The following THSD7A variants were observed in gnomAD, a reference collection of about 807,000 sequenced individuals.
THSD7A encodes the protein thrombospondin type-1 domain-containing protein 7A.
THSD7A carries 96 observed loss-of-function variants against 231.3 expected under a neutral mutation model. That is an observed-to-expected ratio of 0.41 (90% CI 0.35 to 0.49). THSD7A has a LOEUF of 0.49. Among genes scored for constraint, THSD7A ranks in the 20% least tolerant of loss-of-function variants. THSD7A has a pLI of 0.05. For missense variants in THSD7A, 2,290 were observed against 2,070.2 expected, an observed-to-expected ratio of 1.11 and a Z score of -2.06; for synonymous variants, 940 against 743.3, an observed-to-expected ratio of 1.26 and a Z score of -4.30.
At chr7:11,380,796 C>T (rs1782482816) in intron 24 of THSD7A, among the ~76,000 whole-genome samples, 1 of 152,110 alleles carries the variant, frequency 6.6e-6, no homozygotes, top group Non-Finnish European at 1.5e-5. Context: ...TAGAGCTTAA[C>T]ACAAATCATT....
Position 11,407,335 on chromosome 7 carries a change from G to A in THSD7A, c.3887C>T (p.Ser1296Leu), listed in dbSNP as rs752367630. Residue 1296 changes from serine (S) to leucine (L), a missense_variant, in exon 20 of 28, where the codon TCA becomes TTA. Ser to Leu is a moderately radical substitution (Grantham distance 145). Coordinates refer to ENST00000423059, the MANE Select transcript of THSD7A (RefSeq NM_015204.3). ...NCQLSDWSPW[S>L]ECSQTCGLTG... ...GAGGCCACATGTTTGAGAACATTCTGACCAAGGAGACCAATCAGAAAGCTG... is the reference window on the plus strand; with the variant it reads ...GAGGCCACATGTTTGAGAACATTCTAACCAAGGAGACCAATCAGAAAGCTG... 13 of 1,613,384 alleles carry A rather than the reference G, an allele frequency of 8.1e-6. No individual in the cohort carries two copies. The highest frequency in any genetic ancestry group is 6.7e-5 in the Admixed American group (4 of 59,932).
intron 1 of THSD7A, among the ~76,000 whole-genome samples, chr7:11,674,116 G>C (rs925892110): frequency 2.0e-5 from 3 of 151,974 alleles, no homozygotes; most frequent in African/African-American, 7.2e-5. Flanking sequence ...AGGTAGGGGA[G>C]AGTGAGGCCC....
Position 11,593,319 on chromosome 7 carries a change from C to T in THSD7A, c.1206G>A (p.Glu402=). 6.2e-7 allele frequency: 1 copy of T among 1,613,990 alleles called. No homozygotes were observed. Among genetic ancestry groups the T allele is most frequent in the Non-Finnish European group, 8.5e-7 (1 of 1,179,892 alleles). ...GTTCTTTTTCTTCAAATTCTGGACA[C>T]TCCTTTTCACTGCCAATGGGAAACT... The part of the protein sequence containing the change: ...IRQFPIGSEK[E]CPEFEEKEPC... Residue 402 remains glutamate (E), a synonymous_variant, in exon 3 of 28, where the codon GAG becomes GAA. Transcript: ENST00000423059.
chr7:11,546,202 G>GCGCACGCGCACACACACACACACA lies in THSD7A; in HGVS notation c.1454-3086_1454-3085insTGTGTGTGTGTGTGTGCGCGTGCG, dbSNP rs761841418. Reference sequence around the variant, plus strand: ...TCTGTTGTTGCTGGTGTGGGCGCGCGCTCACACACACACACACACACACAC... The same window carrying GCGCACGCGCACACACACACACACA: ...TCTGTTGTTGCTGGTGTGGGCGCGCGCGCACGCGCACACACACACACACACTCACACACACACACACACACACAC... On this transcript the variant is annotated intron_variant, in intron 4 of 27. Transcript: ENST00000423059. 3.1e-3 allele frequency among the ~76,000 whole-genome samples: 405 copies of GCGCACGCGCACACACACACACACA among 129,448 alleles called. 2 individuals are homozygous for GCGCACGCGCACACACACACACACA. Among genetic ancestry groups the GCGCACGCGCACACACACACACACA allele is most frequent in the Non-Finnish European group, 5.6e-3 (335 of 59,804 alleles). 84.9% of individuals were successfully genotyped at this position (129,448 alleles called of 152,430 possible).
chr7:11,550,033 G>T (rs1216574724), intron 4 of THSD7A, among the ~76,000 whole-genome samples: 1 of 152,092 alleles, frequency 6.6e-6, no homozygotes, highest in Non-Finnish European at 1.5e-5. Flanking sequence ...AATAGGAAGA[G>T]ATAAGGTAAA....
At chr7:11,409,491 C>T (rs1202328831) in intron 19 of THSD7A, among the ~76,000 whole-genome samples, 1 of 152,164 alleles carries the variant, frequency 6.6e-6, no homozygotes, top group African/African-American at 2.4e-5. Context: ...AGTTATTTCC[C>T]AGGTTTTTAC....
intron 4 of THSD7A, among the ~76,000 whole-genome samples, chr7:11,554,788 G>A (rs1262622571): frequency 1.3e-5 from 2 of 151,720 alleles, no homozygotes; most frequent in African/African-American, 4.8e-5. Context: ...TTTTTTCTGT[G>A]TAGAAATGCT....
At chr7:11,715,204 C>T (rs544480219) in intron 1 of THSD7A, among the ~76,000 whole-genome samples, 1 of 151,434 alleles carries the variant, frequency 6.6e-6, no homozygotes, top group East Asian at 2.0e-4. Flanking sequence ...ATATTGTTTT[C>T]CTCTGAAAGC....
intron 4 of THSD7A, among the ~76,000 whole-genome samples, chr7:11,548,984 G>C (rs910799199): frequency 1.9e-4 from 29 of 152,006 alleles, no homozygotes; most frequent in African/African-American, 7.0e-4. Context: ...CACAATAGGA[G>C]AAAAGTTTTG....
chr7:11,516,393 C>T (rs752083406), intron 6 of THSD7A, among the ~76,000 whole-genome samples: 53 of 152,168 alleles, frequency 3.5e-4, no homozygotes, highest in Non-Finnish European at 6.6e-4. Context: ...AACTCATTCA[C>T]GATTCTAGAT....
In THSD7A at chr7:11,374,601, T is replaced by C. The variant is rs999522589; in HGVS notation, c.*1193A>G. On this transcript the variant is annotated 3_prime_UTR_variant, in exon 28 of 28. Transcript: ENST00000423059. The stretch of plus-strand genomic sequence containing the variant: ...TTTATTTTCTCCATCTGCTCAAAAT[T>C]AAAAAGACATCCAGTTCCTTTTTCT... 2.1e-5 allele frequency: 3 copies of C among 140,652 alleles called. No individual in the cohort carries two copies. The highest frequency in any genetic ancestry group is 8.2e-5 in the African/African-American group (3 of 36,650). The allele number at this position is 140,652 out of a possible 1,614,324, so 8.7% of individuals were successfully genotyped here.
intron 1 of THSD7A, among the ~76,000 whole-genome samples, chr7:11,819,756 C>G (rs1784813247): frequency 6.6e-6 from 1 of 152,108 alleles, no homozygotes; most frequent in Non-Finnish European, 1.5e-5. Flanking sequence ...CTCTACATAT[C>G]TGTTAAAAAT....
At chr7:11,667,865 T>C (rs1783205982) in intron 1 of THSD7A, among the ~76,000 whole-genome samples, 1 of 152,094 alleles carries the variant, frequency 6.6e-6, no homozygotes, top group South Asian at 2.1e-4. Context: ...TGGAAAAAAG[T>C]TCTCAAGCCA....
At position 11,528,040 on chromosome 7, in the gene THSD7A, A is replaced by T. The variant is rs536234571; in HGVS notation, c.1822+13379T>A. 2.6e-5 allele frequency among the ~76,000 whole-genome samples: 4 copies of T among 152,104 alleles called. No individual in the cohort carries two copies. In the South Asian group the frequency reaches 8.3e-4, roughly 32 times the overall value. On this transcript the variant is annotated intron_variant, in intron 6 of 27. Coordinates refer to ENST00000423059, the MANE Select transcript of THSD7A (RefSeq NM_015204.3). Reference sequence around the variant, plus strand: ...CAACTAGCTGGGCCTAGTGGTGCACACCTGTTGTCCCAGCTACTTGGAAGG... The same window carrying T: ...CAACTAGCTGGGCCTAGTGGTGCACTCCTGTTGTCCCAGCTACTTGGAAGG...
chr7:11,735,544 A>G (rs1781887355), intron 1 of THSD7A, among the ~76,000 whole-genome samples: 1 of 145,832 alleles, frequency 6.9e-6, no homozygotes, highest in Admixed American at 6.7e-5. Flanking sequence ...CTATTCCCCA[A>G]GAAATCTCAT....
At chr7:11,606,889 G>A (rs891565139) in intron 2 of THSD7A, among the ~76,000 whole-genome samples, 1 of 151,942 alleles carries the variant, frequency 6.6e-6, no homozygotes, top group African/African-American at 2.4e-5. Flanking sequence ...TCAAATACTG[G>A]CCTTCAAAAT....
At chr7:11,792,225 T>C (rs1009764554) in intron 1 of THSD7A, among the ~76,000 whole-genome samples, 3 of 151,996 alleles carry the variant, frequency 2.0e-5, no homozygotes, top group African/African-American at 7.2e-5. Context: ...TTGACTATTT[T>C]GAATCATAAC....
At chr7:11,504,820 G>A (rs1424270781) in intron 6 of THSD7A, among the ~76,000 whole-genome samples, 1 of 148,542 alleles carries the variant, frequency 6.7e-6, no homozygotes, top group Non-Finnish European at 1.5e-5. Flanking sequence ...AAAAAGAAAG[G>A]ACAACTAACT....
intron 1 of THSD7A, among the ~76,000 whole-genome samples, chr7:11,826,563 G>C (rs1583322172): frequency 6.6e-6 from 1 of 152,132 alleles, no homozygotes; most frequent in South Asian, 2.1e-4. Context: ...TGTAATCCCA[G>C]AACTTTGGGA....
Sources: gnomAD v4.1 joint callset for allele counts (sites outside exome capture counted in the v4.1 genomes callset) on GRCh38, gnomAD v4.1.1 for gene constraint, MANE v1.5 for transcripts, NCBI Gene and HGNC (gene_info 2026-07-23, HGNC 2026-07-21) for gene names.